The following MPP4 variants were observed in gnomAD, a reference collection of about 807,000 sequenced individuals.
MPP4 encodes the protein MAGUK p55 subfamily member 4.
MPP4 carries 91 observed loss-of-function variants against 98.3 expected under a neutral mutation model. The observed-to-expected ratio is 0.93, with a 90% CI of 0.78 to 1.10. The LOEUF (loss-of-function observed/expected upper bound fraction) is 1.10. Among genes scored for constraint, MPP4 ranks in the 50% least tolerant of loss-of-function variants. MPP4 has a pLI of 0.00. For synonymous variants in MPP4, 261 were observed against 271.8 expected (o/e 0.96, Z 0.39); for missense variants, 744 against 792.9 (o/e 0.94, Z 0.74).
intron 10 of MPP4, among the ~76,000 whole-genome samples, chr2:201,679,398 A>C (rs575976229): frequency 3.3e-5 from 5 of 152,138 alleles, no homozygotes; most frequent in African/African-American, 1.2e-4. Context: ...GAAACTTTTC[A>C]AGCTTTCTAC....
intron 20 of MPP4, 139 bp from the exon 21 acceptor site, chr2:201,647,964 A>C: frequency 1.3e-6 from 1 of 770,148 alleles, no homozygotes; most frequent in Non-Finnish European, 2.0e-6. Context: ...CAAACGATCC[A>C]CCCATCTCAG....
At position 201,675,207 on chromosome 2, in the gene MPP4, A is replaced by G. The variant is rs1172695731; in HGVS notation, c.994T>C (p.Ser332Pro). 1.9e-6 allele frequency: 3 copies of G among 1,606,816 alleles called. No homozygotes were observed. The highest frequency in any genetic ancestry group is 1.7e-5 in the Admixed American group (1 of 59,088). The change falls in exon 11 of 22, where the codon TCA becomes CCA. Residue 332 changes from serine (S) to proline (P), a missense_variant and splice_region_variant. Ser to Pro is a moderately conservative substitution (Grantham distance 74). Coordinates refer to ENST00000409474, the MANE Select transcript of MPP4 (RefSeq NM_033066.3). ...QPHTCLKSTL[S>P]ISMEEEDDMK... The stretch of plus-strand genomic sequence containing the variant: ...CCTGTCGGGCAGTTGCAATACTCAC[A>G]TAGGGTTGACTTGAGGCAGGTGTGA...
chr2:201,664,301 G>T (rs1217594232), intron 13 of MPP4, 200 bp from the exon 14 acceptor site: 1 of 1,459,490 alleles, frequency 6.9e-7, no homozygotes, highest in South Asian at 1.2e-5. Context: ...GTATTCGGCA[G>T]TTGAGCCATG....
At chr2:201,687,407 A>T (rs977548498) in intron 4 of MPP4, 36 bp from the exon 5 acceptor site, 8 of 1,512,068 alleles carry the variant, frequency 5.3e-6, no homozygotes, top group Middle Eastern at 1.8e-4. Flanking sequence ...TAAAAATTTT[A>T]AAAAATCTTT....
Position 201,645,081 on chromosome 2 carries a change from A to C in MPP4, c.*129T>G. The C allele has an allele frequency of 1.2e-6, 1 of 818,832 alleles. No individual in the cohort carries two copies. Among genetic ancestry groups the C allele is most frequent in the Non-Finnish European group, 1.7e-6 (1 of 588,332 alleles). The allele number at this position is 818,832 out of a possible 1,614,324, so 50.7% of individuals were successfully genotyped here. A position where few individuals can be genotyped will look rare whatever the true frequency, so the allele number is the denominator to read the frequency against. ...ATAAAAATTTTTTTCAAATAAGATT[A>C]ATTAATAAATTGCTGCACTTTTAAA... is the stretch of plus-strand genomic sequence containing the variant. On this transcript the variant is annotated 3_prime_UTR_variant, in exon 22 of 22. Coordinates refer to ENST00000409474, the MANE Select transcript of MPP4 (RefSeq NM_033066.3).
At chr2:201,687,259 G>C (rs1688865071) in intron 5 of MPP4, 32 bp downstream of exon 5, 1 of 1,529,574 alleles carries the variant, frequency 6.5e-7, no homozygotes, top group African/African-American at 1.4e-5. Flanking sequence ...GTGCCAGATG[G>C]GGACATCTTT....
intron 4 of MPP4, among the ~76,000 whole-genome samples, chr2:201,689,666 A>G (rs907881504): frequency 2.6e-5 from 4 of 152,150 alleles, no homozygotes; most frequent in African/African-American, 7.2e-5. Context: ...AAGAGAGTCG[A>G]AATGACCCCT....
chr2:201,653,573 A>G (rs1687777166), intron 18 of MPP4, among the ~76,000 whole-genome samples: 1 of 152,124 alleles, frequency 6.6e-6, no homozygotes. Flanking sequence ...CAAAATTTTA[A>G]CTTTCTTTTA....
At chr2:201,677,819 A>G (rs770559344) in intron 10 of MPP4, among the ~76,000 whole-genome samples, 1 of 152,160 alleles carries the variant, frequency 6.6e-6, no homozygotes, top group African/African-American at 2.4e-5. Flanking sequence ...AGAGAGAAAA[A>G]TTGTTTGTAG....
chr2:201,685,999 G>A lies in MPP4; in HGVS notation c.412C>T (p.Leu138Phe). 2 of 1,612,948 alleles carry A rather than the reference G, an allele frequency of 1.2e-6. No individual in the cohort carries two copies. Among genetic ancestry groups the A allele is most frequent in the South Asian group, 1.1e-5 (1 of 91,062 alleles). The change falls in exon 6 of 22, where the codon CTC becomes TTC. Residue 138 changes from leucine to phenylalanine, a missense_variant. Leu to Phe is a conservative substitution (Grantham distance 22). Coordinates refer to ENST00000409474, the MANE Select transcript of MPP4 (RefSeq NM_033066.3). ...TIAQKDFEPL[L>F]PPLPDNIPES... ...GGGATATTGTCTGGCAGTGGAGGGA[G>A]AAGGGGTTCAAAATCTTTCTGAGCT...
At position 201,692,924 on chromosome 2, in the gene MPP4, A is replaced by C; in HGVS notation, c.185T>G (p.Leu62Arg). The change falls in exon 3 of 22, where the codon CTT becomes CGT. Residue 62 changes from leucine to arginine, a missense_variant. By Grantham distance (102) the Leu-to-Arg change is moderately radical. Transcript: ENST00000409474. ...LLYDLLHSPW[L>R]QALLKIYDCL... ...AGCACTCACCTTTAGCAGAGCCTGAAGCCACGGCGAGTGGAGGAGATCGTA... is the reference window on the plus strand; with the variant it reads ...AGCACTCACCTTTAGCAGAGCCTGACGCCACGGCGAGTGGAGGAGATCGTA... 1.2e-6 allele frequency: 2 copies of C among 1,609,402 alleles called. No individual in the cohort carries two copies. The highest frequency in any genetic ancestry group is 1.7e-6 in the Non-Finnish European group (2 of 1,177,958).
At chr2:201,647,560 G>C in intron 21 of MPP4, 131 bp downstream of exon 21, 1 of 844,846 alleles carries the variant, frequency 1.2e-6, no homozygotes. Context: ...TTTTATTGAG[G>C]GCCTTTTGGA....
At chr2:201,684,354 C>T (rs898280897) in intron 7 of MPP4, among the ~76,000 whole-genome samples, 2 of 152,068 alleles carry the variant, frequency 1.3e-5, no homozygotes, top group African/African-American at 4.8e-5. Context: ...GGACAAAGTG[C>T]AGAGAAAAAG....
intron 14 of MPP4, among the ~76,000 whole-genome samples, chr2:201,663,034 A>T (rs1688069921): frequency 6.6e-6 from 1 of 152,254 alleles, no homozygotes; most frequent in Non-Finnish European, 1.5e-5. Flanking sequence ...GTATAGATAT[A>T]CTTTCCAGTT....
intron 18 of MPP4, 46 bp from the exon 19 acceptor site, chr2:201,650,211 T>A: frequency 6.5e-7 from 1 of 1,530,250 alleles, no homozygotes; most frequent in East Asian, 2.5e-5. Flanking sequence ...TCAGAATTCT[T>A]TGATTACCAA....
intron 5 of MPP4, among the ~76,000 whole-genome samples, chr2:201,687,002 T>C (rs1171272876): frequency 6.6e-6 from 1 of 152,230 alleles, no homozygotes; most frequent in Non-Finnish European, 1.5e-5. Flanking sequence ...ACATTCCCTG[T>C]TTGCTACCCA....
intron 2 of MPP4, 44 bp downstream of exon 2, chr2:201,693,832 G>C: frequency 6.2e-7 from 1 of 1,600,022 alleles, no homozygotes; most frequent in African/African-American, 1.3e-5. Context: ...TGTCAGAGGT[G>C]ATATTACTTT....
chr2:201,655,462 A>G (rs961031074), intron 17 of MPP4, among the ~76,000 whole-genome samples: 1 of 152,142 alleles, frequency 6.6e-6, no homozygotes, highest in African/African-American at 2.4e-5. Context: ...ATTCTCTACT[A>G]TTGCATCTTG....
intron 18 of MPP4, among the ~76,000 whole-genome samples, chr2:201,653,977 AAC>A (rs1202277131): frequency 6.6e-6 from 1 of 151,900 alleles, no homozygotes; most frequent in Non-Finnish European, 1.5e-5. Flanking sequence ...GAAATAAGAA[AAC>A]ACTTTTTTTT....
Sources: allele counts gnomAD v4.1 joint callset (sites outside exome capture counted in the v4.1 genomes callset), GRCh38; gene constraint gnomAD v4.1.1; transcripts MANE v1.5; gene names NCBI Gene and HGNC (gene_info 2026-07-23, HGNC 2026-07-21).